Variants in PALM2AKAP2 observed in about 807,000 individuals in gnomAD.
The protein encoded by PALM2AKAP2 is PALM2 and AKAP2 fusion.
Under a neutral mutation model 71.5 loss-of-function variants are expected in PALM2AKAP2, and 37 were observed. That is an observed-to-expected ratio of 0.52 (90% confidence interval 0.40 to 0.68). The LOEUF (loss-of-function observed/expected upper bound fraction) is 0.68, where lower values mean the gene tolerates loss of function less well. PALM2AKAP2 is among the 30% of genes least tolerant of loss of function. The pLI, the probability that PALM2AKAP2 is intolerant of heterozygous loss-of-function variation, is 0.00. For missense variants in PALM2AKAP2, 1,224 were observed against 1,191.8 expected, an observed-to-expected ratio of 1.03 and a Z score of -0.40; for synonymous variants, 468 against 478.8, an observed-to-expected ratio of 0.98 and a Z score of 0.29.
At chr9:110,062,572 C>A (rs1027226943) in intron 1 of PALM2AKAP2, among the ~76,000 whole-genome samples, 1 of 152,064 alleles carries the variant, frequency 6.6e-6, no homozygotes, top group African/African-American at 2.4e-5. Context: ...TAGACACACC[C>A]ACCCTAGGAT....
chr9:110,098,631 C>G lies in PALM2AKAP2; in HGVS notation c.157-37496C>G, dbSNP rs186183481. Among the ~76,000 whole-genome samples the G allele has an allele frequency of 4.4e-3, 671 of 150,880 alleles. 2 individuals carry two copies. The highest frequency in any genetic ancestry group is 0.016 in the African/African-American group (637 of 40,180). ...GAATGGCAGAGATAGTTCTAGAACT[C>G]AAGTCCTCTGACACATCAGCCAAGC... On this transcript the variant is annotated intron_variant, in intron 1 of 3. Transcript: ENST00000374525.
intron 1 of PALM2AKAP2, among the ~76,000 whole-genome samples, chr9:110,052,156 C>T (rs190437493): frequency 6.6e-6 from 1 of 152,296 alleles, no homozygotes; most frequent in Non-Finnish European, 1.5e-5. Flanking sequence ...CCCGCCTCGG[C>T]CTCCCAAAAT....
At chr9:109,943,257 G>A (rs778115896) in intron 6 of PALM2AKAP2, 1 of 1,614,256 alleles carries the variant, frequency 6.2e-7, no homozygotes, top group South Asian at 1.1e-5. Flanking sequence ...AGAAGACAGT[G>A]ACGGACGTGT....
intron 7 of PALM2AKAP2, among the ~76,000 whole-genome samples, chr9:110,021,639 C>T (rs1339120598): frequency 1.3e-5 from 2 of 151,626 alleles, no homozygotes; most frequent in Non-Finnish European, 1.5e-5. Context: ...TTTTTTCAGC[C>T]TATATTTATC....
intron 1 of PALM2AKAP2, among the ~76,000 whole-genome samples, chr9:109,789,900 G>A (rs1827065264): frequency 6.6e-6 from 1 of 152,182 alleles, no homozygotes. Context: ...AATACACACA[G>A]AAAGGGAGAC....
chr9:109,748,046 T>G (rs1318745851), intron 1 of PALM2AKAP2, among the ~76,000 whole-genome samples: 2 of 152,238 alleles, frequency 1.3e-5, no homozygotes, highest in Admixed American at 1.3e-4. Flanking sequence ...CAACACAATA[T>G]TTACCAGTTG....
chr9:109,981,542 G>A (rs1588043266), intron 6 of PALM2AKAP2, among the ~76,000 whole-genome samples: 1 of 152,328 alleles, frequency 6.6e-6, no homozygotes, highest in African/African-American at 2.4e-5. Context: ...CAATGCTTCT[G>A]AACAGGCTAA....
At chr9:109,752,599 G>A (rs1828901087) in intron 1 of PALM2AKAP2, among the ~76,000 whole-genome samples, 1 of 152,166 alleles carries the variant, frequency 6.6e-6, no homozygotes, top group Non-Finnish European at 1.5e-5. Flanking sequence ...AATGGGAGAA[G>A]CCCAAGGGGA....
At chr9:109,695,606 T>C (rs1054837176) in intron 1 of PALM2AKAP2, among the ~76,000 whole-genome samples, 1 of 152,174 alleles carries the variant, frequency 6.6e-6, no homozygotes, top group African/African-American at 2.4e-5. Context: ...TTTTGAGTAA[T>C]GTCTATTCAG....
chr9:110,170,798 C>T (rs773679682), exon 4 of PALM2AKAP2: 1 of 152,178 alleles, frequency 6.6e-6, no homozygotes, highest in Non-Finnish European at 1.5e-5. Context: ...GAAGGAGGAT[C>T]GTCTTTACCT....
intron 1 of PALM2AKAP2, among the ~76,000 whole-genome samples, chr9:109,696,594 G>A (rs888580212): frequency 1.6e-4 from 25 of 152,126 alleles, no homozygotes; most frequent in Admixed American, 2.6e-4. Flanking sequence ...ATCACTCAGT[G>A]GTGTTGGTAC....
intron 1 of PALM2AKAP2, among the ~76,000 whole-genome samples, chr9:109,661,055 G>A (rs1827386454): frequency 6.6e-6 from 1 of 152,104 alleles, no homozygotes; most frequent in Non-Finnish European, 1.5e-5. Context: ...TGTAGATTCT[G>A]GATATTAGCC....
At chr9:109,642,264 C>G (rs890853387) in intron 1 of PALM2AKAP2, among the ~76,000 whole-genome samples, 1 of 151,682 alleles carries the variant, frequency 6.6e-6, no homozygotes, top group African/African-American at 2.4e-5. Context: ...CCTCATTTTC[C>G]CCATCTGGAA....
rs181120291 is a variant in PALM2AKAP2 at position 109,916,442 on chromosome 9, C to T, written c.258-7293C>T. ...GAGCCATTGGGAGTGGGGACGGAAA[C>T]GGCGAGAACCTATCCAAGGCACCGT... On this transcript the variant is annotated intron_variant, in intron 3 of 9. Coordinates refer to the PALM2AKAP2 transcript ENST00000302798. 2.9e-4 allele frequency among the ~76,000 whole-genome samples: 44 copies of T among 152,282 alleles called. No individual in the cohort carries two copies. The East Asian group carries it at 6.2e-3, about 21-fold the overall frequency.
At chr9:110,032,271 C>T (rs767855894) in intron 7 of PALM2AKAP2, among the ~76,000 whole-genome samples, 2 of 152,082 alleles carry the variant, frequency 1.3e-5, no homozygotes, top group Non-Finnish European at 2.9e-5. Context: ...AAAAAATCAA[C>T]TTATTGGCCA....
chr9:110,081,780 G>T (rs1444064657), intron 1 of PALM2AKAP2, among the ~76,000 whole-genome samples: 1 of 151,870 alleles, frequency 6.6e-6, no homozygotes, highest in African/African-American at 2.4e-5. Flanking sequence ...CCCTGCTGGG[G>T]CTTCCCAGAA....
intron 1 of PALM2AKAP2, among the ~76,000 whole-genome samples, chr9:109,826,789 A>G (rs1231469905): frequency 2.0e-5 from 3 of 152,304 alleles, no homozygotes; most frequent in African/African-American, 4.8e-5. Context: ...TCTTATTCTT[A>G]TCATCTTACT....
intron 6 of PALM2AKAP2, among the ~76,000 whole-genome samples, chr9:109,998,305 G>T (rs1832612033): frequency 6.6e-6 from 1 of 152,166 alleles, no homozygotes; most frequent in East Asian, 1.9e-4. Flanking sequence ...CCAACTCAGA[G>T]CCTTGTATCT....
chr9:110,052,216 T>C (rs565461647), intron 1 of PALM2AKAP2, among the ~76,000 whole-genome samples: 3 of 152,310 alleles, frequency 2.0e-5, no homozygotes, highest in Admixed American at 2.0e-4. Flanking sequence ...ATTTTCTTTA[T>C]ACTGTGCAAA....
Sources: allele counts gnomAD v4.1 joint callset (sites outside exome capture counted in the v4.1 genomes callset), GRCh38; gene constraint gnomAD v4.1.1; transcripts MANE v1.5; gene names NCBI Gene and HGNC (gene_info 2026-07-23, HGNC 2026-07-21).